Variants in CNOT1 observed in about 807,000 individuals in gnomAD.
CNOT1 encodes the protein CCR4-NOT transcription complex subunit 1.
In CNOT1, 15 loss-of-function variants were observed where a neutral mutation model predicts 273.8. That is an observed-to-expected ratio of 0.05 (90% CI 0.04 to 0.08). CNOT1 has a LOEUF of 0.08. Among genes scored for constraint, CNOT1 ranks in the 10% least tolerant of loss-of-function variants. CNOT1 has a pLI of 1.00. For synonymous variants in CNOT1, 1,022 were observed against 1,005.5 expected, an observed-to-expected ratio of 1.02 and a Z score of -0.31; for missense variants, 1,644 against 2,912.2, an observed-to-expected ratio of 0.56 and a Z score of 10.02.
At chr16:58,584,747 T>C (rs2041778233) in intron 8 of CNOT1, among the ~76,000 whole-genome samples, 1 of 152,108 alleles carries the variant, frequency 6.6e-6, no homozygotes. Flanking sequence ...GAATGTGATT[T>C]GTCTGAGAGT....
intron 2 of CNOT1, 82 bp from the exon 3 acceptor site, chr16:58,588,988 C>A (rs1327785678): frequency 6.8e-7 from 1 of 1,469,368 alleles, no homozygotes; most frequent in African/African-American, 1.4e-5. Flanking sequence ...GAAAATCAAC[C>A]TCCAAGGCAA....
At chr16:58,613,191 C>T (rs1328771104) in intron 1 of CNOT1, among the ~76,000 whole-genome samples, 1 of 151,978 alleles carries the variant, frequency 6.6e-6, no homozygotes, top group African/African-American at 2.4e-5. Context: ...GCCAACACGC[C>T]CAGCTAATTT....
At chr16:58,593,385 C>A (rs1192570529) in intron 2 of CNOT1, among the ~76,000 whole-genome samples, 1 of 152,056 alleles carries the variant, frequency 6.6e-6, no homozygotes, top group Admixed American at 6.6e-5. Flanking sequence ...CATGGAGAAA[C>A]CTCGTCTCTA....
chr16:58,542,128 A>G, intron 33 of CNOT1, 103 bp downstream of exon 33: 1 of 1,373,044 alleles, frequency 7.3e-7, no homozygotes, highest in Non-Finnish European at 1.0e-6. Flanking sequence ...CTCATAAACA[A>G]TATTTAACCC....
At chr16:58,575,624 C>A (rs192540273) in intron 14 of CNOT1, among the ~76,000 whole-genome samples, 8 of 152,218 alleles carry the variant, frequency 5.3e-5, no homozygotes, top group African/African-American at 1.9e-4. Context: ...CATGGTGAAA[C>A]CCTGTCTCTA....
chr16:58,529,110 T>G (rs1465816694), intron 43 of CNOT1, among the ~76,000 whole-genome samples: 1 of 152,066 alleles, frequency 6.6e-6, no homozygotes, highest in Non-Finnish European at 1.5e-5. Flanking sequence ...ATTATTAATG[T>G]CAGGAATGAC....
chr16:58,527,161 C>CTAA (rs2039618866), intron 44 of CNOT1, among the ~76,000 whole-genome samples: 1 of 152,130 alleles, frequency 6.6e-6, no homozygotes, highest in Non-Finnish European at 1.5e-5. Context: ...GGTTCCATAT[C>CTAA]TAATTAACCT....
rs375010240 is a variant in CNOT1 at position 58,560,267 on chromosome 16, A to G, written c.2075T>C (p.Met692Thr). ...NKARQPPPGV[M>T]PKGRPPSASS... ...AGCACTAGGAGGACGTCCTTTTGGC[A>G]TAACTCCAGGTGGTGGTTGTCTGGC... The change falls in exon 17 of 49, where the codon ATG becomes ACG. Residue 692 changes from methionine (M) to threonine (T), a missense_variant. By Grantham distance (81) the Met-to-Thr change is moderately conservative. This residue lies in a region of CNOT1 where 706 missense variants were observed against 1,021.2 expected (regional missense o/e 0.69). Transcript: ENST00000317147. 2.8e-5 allele frequency: 46 copies of G among 1,614,106 alleles called. No homozygotes were observed. Among genetic ancestry groups the G allele is most frequent in the Non-Finnish European group, 3.1e-5 (37 of 1,180,046 alleles).
intron 1 of CNOT1, among the ~76,000 whole-genome samples, chr16:58,602,669 T>G (rs1367516684): frequency 6.6e-6 from 1 of 151,254 alleles, no homozygotes; most frequent in Non-Finnish European, 1.5e-5. Flanking sequence ...AGGTGGAGGT[T>G]GTAGTGAGCT....
At chr16:58,622,099 T>G (rs978374809) in intron 1 of CNOT1, among the ~76,000 whole-genome samples, 49 of 149,626 alleles carry the variant, frequency 3.3e-4, no homozygotes, top group Non-Finnish European at 1.0e-4. Flanking sequence ...GATCACGAGG[T>G]CAGGAGATCG....
chr16:58,586,740 A>G lies in CNOT1; in HGVS notation c.442T>C (p.Phe148Leu), dbSNP rs759101853. 8 of 1,612,750 alleles carry G rather than the reference A, an allele frequency of 5.0e-6. No individual in the cohort carries two copies. The South Asian group carries it at 8.8e-5, about 18-fold the overall frequency. Residue 148 changes from phenylalanine to leucine, a missense_variant, in exon 7 of 49, where the codon TTT becomes CTT. Coordinates refer to ENST00000317147, the MANE Select transcript of CNOT1 (RefSeq NM_016284.5). The stretch of plus-strand genomic sequence containing the variant: ...AGATCTGGAAGCTTCTGTTTGATAA[A>G]CTGGGCAGCTAGAAGTCAGGTAAAC... ...SSDLRGFAAQ[F>L]IKQKLPDLLR... is the part of the protein sequence containing the mutation.
At chr16:58,619,796 A>G (rs2043241023) in intron 1 of CNOT1, among the ~76,000 whole-genome samples, 1 of 152,168 alleles carries the variant, frequency 6.6e-6, no homozygotes, top group Non-Finnish European at 1.5e-5. Context: ...AACTGCTGGG[A>G]AAAAAACCTT....
Position 58,578,687 on chromosome 16 carries a change from G to T in CNOT1, c.1584+12C>A, listed in dbSNP as rs1341093045. 6.2e-7 allele frequency: 1 copy of T among 1,612,100 alleles called. No individual in the cohort carries two copies. Among genetic ancestry groups the T allele is most frequent in the Non-Finnish European group, 8.5e-7 (1 of 1,178,532 alleles). On this transcript the variant is annotated intron_variant, in intron 13 of 48. Coordinates refer to ENST00000317147, the MANE Select transcript of CNOT1 (RefSeq NM_016284.5). ...CAGATGAAAAAATGGTAAGCACACG[G>T]TCACATCTTACCTGCCCATGCCATG...
Position 58,602,574 on chromosome 16 carries a change from A to AAAC in CNOT1, c.-174-3064_-174-3063insGTT, listed in dbSNP as rs1555501310. Among the ~76,000 whole-genome samples, 8 of 149,346 alleles carry AAAC rather than the reference A, an allele frequency of 5.4e-5. 1 individual carries two copies. The highest frequency in any genetic ancestry group is 2.0e-4 in the East Asian group (1 of 5,054). ...TCTCCAAAAAAAAAAAAAAAAAAAA[A>AAAC]AAACCCATCCATAAATTAGCCAGGT... On this transcript the variant is annotated intron_variant, in intron 1 of 48. Coordinates refer to ENST00000317147, the MANE Select transcript of CNOT1 (RefSeq NM_016284.5).
intron 1 of CNOT1, among the ~76,000 whole-genome samples, chr16:58,613,781 T>C (rs1046230011): frequency 8.0e-6 from 1 of 124,474 alleles, no homozygotes; most frequent in Admixed American, 8.0e-5. Context: ...AGAAAGGAAC[T>C]GAAGTTTTTT....
intron 16 of CNOT1, among the ~76,000 whole-genome samples, chr16:58,570,538 A>G (rs1414989662): frequency 6.6e-6 from 1 of 152,164 alleles, no homozygotes; most frequent in Non-Finnish European, 1.5e-5. Flanking sequence ...ACCTGGGAGG[A>G]CCGCTTTGAG....
chr16:58,582,854 C>T lies in CNOT1; in HGVS notation c.983G>A (p.Ser328Asn), dbSNP rs1369800561. The T allele has an allele frequency of 1.9e-6, 3 of 1,605,092 alleles. No homozygotes were observed. The change falls in exon 10 of 49, where the codon AGT (serine) becomes AAT (asparagine). Residue 328 changes from serine (S) to asparagine (N), a missense_variant. Around this residue, in one of 13 missense-constraint regions of CNOT1, gnomAD observed 706 missense variants for 1,021.2 expected, o/e 0.69. Transcript: ENST00000317147. ...CCATGTGTGTGCCTGTGCTCCATCACTTTTATCTTTCCCATCACTCCAGAT... is the reference window on the plus strand; with the variant it reads ...CCATGTGTGTGCCTGTGCTCCATCATTTTTATCTTTCCCATCACTCCAGAT... ...SGIWSDGKDK[S>N]DGAQAHTWNV... is the part of the protein sequence containing the mutation.
intron 44 of CNOT1, 104 bp from the exon 45 acceptor site, chr16:58,526,242 T>C (rs2039575773): frequency 8.4e-7 from 1 of 1,183,662 alleles, no homozygotes; most frequent in Admixed American, 2.0e-5. Context: ...ATATACACTA[T>C]AAATGCCTTG....
At chr16:58,587,315 T>C (rs565926079) in intron 5 of CNOT1, 30 bp downstream of exon 5, 2 of 1,613,506 alleles carry the variant, frequency 1.2e-6, no homozygotes, top group African/African-American at 1.3e-5. Context: ...ATTCTAGTTT[T>C]GTCTACATCT....
Sources: gnomAD v4.1 joint callset for allele counts (sites outside exome capture counted in the v4.1 genomes callset) on GRCh38, gnomAD v4.1.1 for gene constraint, gnomAD v4.1.1 regional missense constraint, MANE v1.5 for transcripts, NCBI Gene and HGNC (gene_info 2026-07-23, HGNC 2026-07-21) for gene names.